EXOC6: variants seen among roughly 807,000 people sequenced by gnomAD.
EXOC6 encodes the protein exocyst complex component 6.
In EXOC6, 60 loss-of-function variants were observed where a neutral mutation model predicts 112.5. The observed-to-expected ratio is 0.53, with a 90% CI of 0.43 to 0.66. The LOEUF (loss-of-function observed/expected upper bound fraction) is 0.66. EXOC6 is among the 30% of genes least tolerant of loss of function. EXOC6 has a pLI of 0.00. For missense variants in EXOC6, 855 were observed against 957.1 expected (o/e 0.89, Z 1.41); for synonymous variants, 295 against 308.0 (o/e 0.96, Z 0.44).
intron 19 of EXOC6, among the ~76,000 whole-genome samples, chr10:93,007,503 A>T (rs1231233434): frequency 5.3e-5 from 8 of 152,028 alleles, no homozygotes; most frequent in Non-Finnish European, 1.0e-4. Flanking sequence ...ATACAAAAAA[A>T]TTAGCTGGGT....
intron 8 of EXOC6, among the ~76,000 whole-genome samples, chr10:92,923,110 A>G (rs1378525906): frequency 6.7e-6 from 1 of 148,756 alleles, no homozygotes; most frequent in Non-Finnish European, 1.5e-5. Flanking sequence ...GTGTGTAGAT[A>G]TGGTGTTTGA....
upstream of EXOC6, among the ~76,000 whole-genome samples, chr10:92,832,872 A>G (rs1458387806): frequency 2.0e-5 from 3 of 152,172 alleles, no homozygotes; most frequent in African/African-American, 7.2e-5. Flanking sequence ...CCTGTTGGCC[A>G]GGCTAGTCTC....
intron 1 of EXOC6, among the ~76,000 whole-genome samples, chr10:92,890,370 T>C (rs909005201): frequency 2.0e-5 from 3 of 151,248 alleles, no homozygotes; most frequent in Admixed American, 6.6e-5. Context: ...AGTAAGTGCC[T>C]TTTCTAATTC....
chr10:92,983,811 T>G (rs1842911713), intron 18 of EXOC6, among the ~76,000 whole-genome samples: 1 of 152,110 alleles, frequency 6.6e-6, no homozygotes, highest in Non-Finnish European at 1.5e-5. Flanking sequence ...CAAGCCTATT[T>G]CTTTATATAA....
intron 20 of EXOC6, among the ~76,000 whole-genome samples, chr10:93,050,736 G>A (rs1417429501): frequency 1.8e-5 from 2 of 110,070 alleles, no homozygotes; most frequent in Admixed American, 1.3e-4. Flanking sequence ...CTCCAACCTG[G>A]GCAACAAAGC....
rs1385121555 is a variant in EXOC6 at position 92,970,242 on chromosome 10, A to G, written c.1774-3811A>G. The stretch of plus-strand genomic sequence containing the variant: ...CCTATCATAGATCAAAAATATTTGG[A>G]AGAAAAAATGCGTGGTGCATCTGTA... On this transcript the variant is annotated intron_variant, in intron 17 of 21. Transcript: ENST00000260762. 4.6e-5 allele frequency among the ~76,000 whole-genome samples: 7 copies of G among 152,196 alleles called. No individual in the cohort carries two copies. In the East Asian group the frequency reaches 1.3e-3, roughly 29 times the overall value.
At chr10:92,917,978 C>T (rs1460959660) in intron 7 of EXOC6, among the ~76,000 whole-genome samples, 1 of 152,112 alleles carries the variant, frequency 6.6e-6, no homozygotes, top group Non-Finnish European at 1.5e-5. Context: ...TGGCGAAACC[C>T]TTTTCCTACA....
At chr10:92,941,568 A>G (rs1310921166) in intron 13 of EXOC6, among the ~76,000 whole-genome samples, 1 of 152,182 alleles carries the variant, frequency 6.6e-6, no homozygotes, top group Non-Finnish European at 1.5e-5. Flanking sequence ...TTGTAGTTCT[A>G]ATATCTGTAA....
chr10:92,935,401 GA>G (rs1323506007), intron 11 of EXOC6, among the ~76,000 whole-genome samples: 1 of 151,940 alleles, frequency 6.6e-6, no homozygotes, highest in African/African-American at 2.4e-5. Flanking sequence ...CTGTCCCTTT[GA>G]AATTAATAAT....
intron 4 of EXOC6, among the ~76,000 whole-genome samples, chr10:92,898,974 T>A (rs1326279952): frequency 6.6e-6 from 1 of 152,208 alleles, no homozygotes; most frequent in African/African-American, 2.4e-5. Context: ...TGGCAAAGAA[T>A]AATTTATTGA....
chr10:92,856,784 G>A lies in EXOC6; in HGVS notation c.101+8150G>A, dbSNP rs899742021. On this transcript the variant is annotated intron_variant, in intron 1 of 21. Transcript: ENST00000260762. ...TGTTCTATCCATTATTGAATGATGAGTAGTTTTTATGTCTTTTCAGGCTCT... is the reference window on the plus strand; with the variant it reads ...TGTTCTATCCATTATTGAATGATGAATAGTTTTTATGTCTTTTCAGGCTCT... Among the ~76,000 whole-genome samples, 7 of 152,132 alleles carry A rather than the reference G, an allele frequency of 4.6e-5. No individual in the cohort carries two copies. In the South Asian group the frequency reaches 6.2e-4, roughly 13 times the overall value.
At chr10:93,042,359 T>C (rs1473025810) in intron 20 of EXOC6, among the ~76,000 whole-genome samples, 4 of 152,238 alleles carry the variant, frequency 2.6e-5, no homozygotes, top group African/African-American at 9.6e-5. Flanking sequence ...CATATGTCCA[T>C]CTGTGTAATC....
rs181498294 is a variant in EXOC6 at position 93,015,312 on chromosome 10, T to A, written c.2169+1045T>A. ...AACCCACTGTTTCCTAAATACTTAT[T>A]GTCTATTATATATTCATTATTTGCA... is the stretch of plus-strand genomic sequence containing the variant. On this transcript the variant is annotated intron_variant, in intron 20 of 21. Transcript: ENST00000260762. 7.2e-4 allele frequency among the ~76,000 whole-genome samples: 110 copies of A among 152,356 alleles called. 1 individual carries two copies. The highest frequency in any genetic ancestry group is 5.3e-3 in the Admixed American group (81 of 15,300).
chr10:92,847,450 C>G (rs1847091487), upstream of EXOC6, among the ~76,000 whole-genome samples: 1 of 152,102 alleles, frequency 6.6e-6, no homozygotes, highest in South Asian at 2.1e-4. Context: ...AGGTAGGTTT[C>G]AAGTAAAAGC....
chr10:92,899,944 G>C (rs536283935), intron 5 of EXOC6: 1 of 260,132 alleles, frequency 3.8e-6, no homozygotes. Flanking sequence ...ATGTAACTAA[G>C]GGCTAAGTGC....
In EXOC6 at chr10:93,023,799, T is replaced by C. The variant is rs546655600; in HGVS notation, c.2169+9532T>C. Among the ~76,000 whole-genome samples, 218 of 152,346 alleles carry C rather than the reference T, an allele frequency of 1.4e-3. 1 individual carries two copies. Among genetic ancestry groups the C allele is most frequent in the Non-Finnish European group, 1.7e-3 (116 of 68,024 alleles). On this transcript the variant is annotated intron_variant, in intron 20 of 21. Coordinates refer to ENST00000260762, the MANE Select transcript of EXOC6 (RefSeq NM_019053.6). The stretch of plus-strand genomic sequence containing the variant: ...AAACTTAAAAAAATTTAAACTATAT[T>C]AAGATTCTTTGTATAATATGCAGTA...
intron 1 of EXOC6, among the ~76,000 whole-genome samples, chr10:92,868,131 CAT>C (rs1186356396): frequency 1.3e-5 from 2 of 152,046 alleles, no homozygotes; most frequent in Non-Finnish European, 2.9e-5. Context: ...AATTTTGAGT[CAT>C]AGGAAAGTTT....
intron 18 of EXOC6, 25 bp from the exon 19 acceptor site, chr10:92,997,449 T>C (rs374750584): frequency 5.8e-5 from 92 of 1,587,834 alleles, no homozygotes; most frequent in Middle Eastern, 5.0e-4. Flanking sequence ...ATTTGTTTGA[T>C]TTTTGGTTTG....
At chr10:93,050,856 A>AGC (rs1846256430) in intron 20 of EXOC6, among the ~76,000 whole-genome samples, 1 of 151,006 alleles carries the variant, frequency 6.6e-6, no homozygotes, top group Non-Finnish European at 1.5e-5. Flanking sequence ...TGGGTGACAG[A>AGC]GCGAGACTCT....
Sources: allele counts gnomAD v4.1 joint callset (sites outside exome capture counted in the v4.1 genomes callset), GRCh38; gene constraint gnomAD v4.1.1; transcripts MANE v1.5; gene names NCBI Gene and HGNC (gene_info 2026-07-23, HGNC 2026-07-21).